GOLGA5: variants seen among roughly 807,000 people sequenced by gnomAD.
GOLGA5 encodes golgin subfamily A member 5.
In GOLGA5, 50 loss-of-function variants were observed where a neutral mutation model predicts 93.5. The observed-to-expected ratio is 0.53, with a 90% CI of 0.43 to 0.68. The LOEUF is 0.68. Among genes scored for constraint, GOLGA5 ranks in the 30% least tolerant of loss-of-function variants. The pLI is 0.00. For synonymous variants in GOLGA5, 312 were observed against 304.5 expected (o/e 1.02, Z -0.26); for missense variants, 760 against 856.4 (o/e 0.89, Z 1.40).
chr14:92,814,805 A>C (rs1272664021), intron 6 of GOLGA5, among the ~76,000 whole-genome samples: 1 of 152,090 alleles, frequency 6.6e-6, no homozygotes, highest in African/African-American at 2.4e-5. Flanking sequence ...TTGCATGTCA[A>C]ATCTCTTCTT....
Position 92,797,223 on chromosome 14 carries a change from CT to C in GOLGA5, c.-30-182del, listed in dbSNP as rs765609644. On this transcript the variant is annotated intron_variant, in intron 1 of 12. Coordinates refer to ENST00000163416, the MANE Select transcript of GOLGA5 (RefSeq NM_005113.4). Reference sequence around the variant, plus strand: ...AAAACCATCCTATAAGGTAAGTACACTTTCCCCCCCATTTTCTAGATAAGAT... The same window carrying C: ...AAAACCATCCTATAAGGTAAGTACACTTCCCCCCCATTTTCTAGATAAGAT... 2.9e-4 allele frequency among the ~76,000 whole-genome samples: 44 copies of C among 152,194 alleles called. 1 individual carries two copies. The highest frequency in any genetic ancestry group is 3.1e-4 in the African/African-American group (13 of 41,516).
chr14:92,809,485 G>A lies in GOLGA5; in HGVS notation c.958G>A (p.Glu320Lys). Reference sequence around the variant, plus strand: ...TGACCAGCTACTGAGTACTCGCACAGAAGCATTAGAAGCCTTACAGAGTGA... The same window carrying A: ...TGACCAGCTACTGAGTACTCGCACAAAAGCATTAGAAGCCTTACAGAGTGA... ...EADQLLSTRT[E>K]ALEALQSEKS... The change falls in exon 4 of 13, where the codon GAA (glutamate) becomes AAA (lysine). Residue 320 changes from glutamate (E) to lysine (K), a missense_variant. Physicochemically the swap from Glu to Lys is moderately conservative, Grantham distance 56 (BLOSUM62 1). Coordinates refer to ENST00000163416, the MANE Select transcript of GOLGA5 (RefSeq NM_005113.4). 3 of 1,613,202 alleles carry A rather than the reference G, an allele frequency of 1.9e-6. No homozygotes were observed. Among genetic ancestry groups the A allele is most frequent in the Non-Finnish European group, 2.5e-6 (3 of 1,179,224 alleles).
intron 1 of GOLGA5, among the ~76,000 whole-genome samples, chr14:92,797,115 TA>T (rs1884751236): frequency 6.6e-6 from 1 of 151,532 alleles, no homozygotes; most frequent in Admixed American, 6.6e-5. Flanking sequence ...GTAGTTGTAA[TA>T]ATGGTAATAG....
chr14:92,797,345 G>C, intron 1 of GOLGA5, 63 bp from the exon 2 acceptor site: 1 of 960,270 alleles, frequency 1.0e-6, no homozygotes. Flanking sequence ...CCAGAGTCTG[G>C]TCTTAACCAT....
intron 2 of GOLGA5, among the ~76,000 whole-genome samples, chr14:92,804,432 C>T (rs1442008785): frequency 6.6e-6 from 1 of 151,810 alleles, no homozygotes; most frequent in African/African-American, 2.4e-5. Context: ...ACGTAATGAC[C>T]TCCTATTATC....
Position 92,794,731 on chromosome 14 carries a change from G to C in GOLGA5, c.-31+275G>C, listed in dbSNP as rs182676307. 1.4e-3 allele frequency among the ~76,000 whole-genome samples: 214 copies of C among 152,238 alleles called. 2 individuals carry two copies. The highest frequency in any genetic ancestry group is 5.0e-3 in the African/African-American group (206 of 41,544). Reference sequence around the variant, plus strand: ...CGAGATGGGTGGGGAGCAGAGTGGGGGTCTCTGCTCGCTTACCTGAGATTC... The same window carrying C: ...CGAGATGGGTGGGGAGCAGAGTGGGCGTCTCTGCTCGCTTACCTGAGATTC... On this transcript the variant is annotated intron_variant, in intron 1 of 12. Transcript: ENST00000163416.
At chr14:92,811,337 A>G (rs942616278) in intron 5 of GOLGA5, among the ~76,000 whole-genome samples, 2 of 152,114 alleles carry the variant, frequency 1.3e-5, no homozygotes, top group African/African-American at 4.8e-5. Flanking sequence ...ATTTTTAACA[A>G]ACTTCCTGGT....
rs761077825 is a variant in GOLGA5 at position 92,797,742 on chromosome 14, C to G, written c.305C>G (p.Ser102Cys). 1.2e-6 allele frequency: 2 copies of G among 1,613,568 alleles called. No homozygotes were observed. The highest frequency in any genetic ancestry group is 1.7e-6 in the Non-Finnish European group (2 of 1,179,620). The change falls in exon 2 of 13, where the codon TCT becomes TGT. Residue 102 changes from serine to cysteine, a missense_variant. Physicochemically the swap from Ser to Cys is moderately radical, Grantham distance 112. Coordinates refer to ENST00000163416, the MANE Select transcript of GOLGA5 (RefSeq NM_005113.4). ...GCCTCTCATCCTGTTGAAAATGCAT[C>G]TGTTCCTAGGCCTTCATCCCATTTT... Reference protein sequence around the residue: ...VEASHPVENASVPRPSSHFVR... With the variant: ...VEASHPVENACVPRPSSHFVR...
chr14:92,798,111 A>G lies in GOLGA5; in HGVS notation c.544+130A>G, dbSNP rs74072488. On this transcript the variant is annotated intron_variant, in intron 2 of 12. Transcript: ENST00000163416. Reference sequence around the variant, plus strand: ...TGGTGTAAGGGCAGACTCTCTGCAAATGTGTGGTGTAAACAAGGGAGACAT... The same window carrying G: ...TGGTGTAAGGGCAGACTCTCTGCAAGTGTGTGGTGTAAACAAGGGAGACAT... The G allele has an allele frequency of 3.2e-3, 2,143 of 671,354 alleles. 36 individuals are homozygous for G. The African/African-American group carries it at 0.036, about 11-fold the overall frequency. The allele number at this position is 671,354 out of a possible 1,614,324, so 41.6% of individuals were successfully genotyped here.
Position 92,811,540 on chromosome 14 carries a change from A to G in GOLGA5, c.1117-11A>G. ...TGATATCATTAATTATGATATAAAAATTTGTCACAGAGCGAGTTTGCTGCA... is the reference window on the plus strand; with the variant it reads ...TGATATCATTAATTATGATATAAAAGTTTGTCACAGAGCGAGTTTGCTGCA... On this transcript the variant is annotated splice_polypyrimidine_tract_variant and intron_variant, in intron 5 of 12. Coordinates refer to ENST00000163416, the MANE Select transcript of GOLGA5 (RefSeq NM_005113.4). 1.3e-6 allele frequency: 2 copies of G among 1,566,708 alleles called. No homozygotes were observed. The highest frequency in any genetic ancestry group is 1.8e-6 in the Non-Finnish European group (2 of 1,137,404).
At chr14:92,835,149 AG>A (rs908751234) in intron 10 of GOLGA5, among the ~76,000 whole-genome samples, 1 of 152,144 alleles carries the variant, frequency 6.6e-6, no homozygotes, top group African/African-American at 2.4e-5. Context: ...TCTGGATGGA[AG>A]CGAATAGGCA....
intron 3 of GOLGA5, 53 bp from the exon 4 acceptor site, chr14:92,809,247 G>C (rs1885054766): frequency 8.0e-7 from 1 of 1,257,676 alleles, no homozygotes; most frequent in African/African-American, 1.5e-5. Context: ...TACGTGCTCT[G>C]AGAAAAATGT....
chr14:92,826,897 C>CA (rs1885434799), intron 9 of GOLGA5, among the ~76,000 whole-genome samples: 1 of 151,988 alleles, frequency 6.6e-6, no homozygotes, highest in Non-Finnish European at 1.5e-5. Flanking sequence ...TTGAGGCTGA[C>CA]AGATTTCTTA....
At chr14:92,814,263 A>G (rs1885158985) in intron 6 of GOLGA5, among the ~76,000 whole-genome samples, 1 of 152,186 alleles carries the variant, frequency 6.6e-6, no homozygotes, top group Non-Finnish European at 1.5e-5. Context: ...CTGCAAAAGA[A>G]AAATACTGAG....
chr14:92,797,968 G>C lies in GOLGA5; in HGVS notation c.531G>C (p.Gly177=). The C allele has an allele frequency of 6.3e-7, 1 of 1,583,498 alleles. No individual in the cohort carries two copies. Among genetic ancestry groups the C allele is most frequent in the Non-Finnish European group, 8.6e-7 (1 of 1,168,984 alleles). The change falls in exon 2 of 13, where the codon GGG becomes GGC. Residue 177 remains glycine, a synonymous_variant. Coordinates refer to ENST00000163416, the MANE Select transcript of GOLGA5 (RefSeq NM_005113.4). ...TIKTIEENSF[G]SQTHEAASNS... ...AAACCATTGAAGAAAATTCTTTTGG[G>C]AGCCAAACCCACGGTAGTTAATCAG...
Position 92,833,280 on chromosome 14 carries a change from G to T in GOLGA5, c.1878G>T (p.Met626Ile), listed in dbSNP as rs1885568529. The T allele has an allele frequency of 6.2e-7, 1 of 1,613,854 alleles. No individual in the cohort carries two copies. Among genetic ancestry groups the T allele is most frequent in the Non-Finnish European group, 8.5e-7 (1 of 1,179,884 alleles). Residue 626 changes from methionine (M) to isoleucine (I), a missense_variant, in exon 10 of 13, where the codon ATG becomes ATT. Transcript: ENST00000163416. Reference protein sequence around the residue: ...VFQLERLEQQMNSASGSSSNG... With the variant: ...VFQLERLEQQINSASGSSSNG... ...AACTGGAGCGCCTCGAACAGCAGAT[G>T]AACTCCGCCTCTGGAAGTAGTAGTA...
intron 8 of GOLGA5, among the ~76,000 whole-genome samples, chr14:92,822,065 G>T (rs982239559): frequency 6.6e-6 from 1 of 152,178 alleles, no homozygotes; most frequent in Non-Finnish European, 1.5e-5. Flanking sequence ...GTTTAATCTT[G>T]CAATTGAAGA....
chr14:92,811,263 A>T (rs948397954), intron 5 of GOLGA5, among the ~76,000 whole-genome samples: 6 of 152,246 alleles, frequency 3.9e-5, no homozygotes, highest in African/African-American at 1.4e-4. Context: ...CTTAAAAAAC[A>T]GATTCCCAGA....
In GOLGA5 at chr14:92,839,793, T is replaced by A. The variant is rs1193206066; in HGVS notation, c.*347T>A. 4.0e-6 allele frequency: 1 copy of A among 249,118 alleles called. No homozygotes were observed. Among genetic ancestry groups the A allele is most frequent in the African/African-American group, 2.5e-5 (1 of 39,444 alleles). The allele number at this position is 249,118 out of a possible 1,614,324, so 15.4% of individuals were successfully genotyped here. ...GGGTTATAATCAGGGAAACTAATTGTATTTAGTGACAAAAATAAAAAGTTT... is the reference window on the plus strand; with the variant it reads ...GGGTTATAATCAGGGAAACTAATTGAATTTAGTGACAAAAATAAAAAGTTT... On this transcript the variant is annotated 3_prime_UTR_variant, in exon 13 of 13. Coordinates refer to ENST00000163416, the MANE Select transcript of GOLGA5 (RefSeq NM_005113.4).
Sources: gnomAD v4.1 joint callset for allele counts (sites outside exome capture counted in the v4.1 genomes callset) on GRCh38, gnomAD v4.1.1 for gene constraint, MANE v1.5 for transcripts, NCBI Gene and HGNC (gene_info 2026-07-23, HGNC 2026-07-21) for gene names.